The following CADPS2 variants were observed in gnomAD, a reference collection of about 807,000 sequenced individuals.
CADPS2 encodes the protein calcium-dependent secretion activator 2.
Under a neutral mutation model 172.5 loss-of-function variants are expected in CADPS2, and 93 were observed. The ratio of observed to expected loss-of-function variants is 0.54; its 90% CI spans 0.46 to 0.64. The LOEUF (loss-of-function observed/expected upper bound fraction) is 0.64. CADPS2 is among the 30% of genes least tolerant of loss of function. The pLI is 0.00. For synonymous variants in CADPS2, 546 were observed against 555.2 expected, an observed-to-expected ratio of 0.98 and a Z score of 0.23; for missense variants, 1,420 against 1,565.9, an observed-to-expected ratio of 0.91 and a Z score of 1.57.
chr7:122,639,117 A>C (rs542831219), intron 3 of CADPS2, among the ~76,000 whole-genome samples: 1 of 152,348 alleles, frequency 6.6e-6, no homozygotes, highest in South Asian at 2.1e-4. Context: ...AAAAAGGAAA[A>C]AGCTAATGAA....
At chr7:122,451,500 A>G in intron 14 of CADPS2, 25 bp from the exon 15 acceptor site, 1 of 1,294,168 alleles carries the variant, frequency 7.7e-7, no homozygotes, top group Non-Finnish European at 1.1e-6. Context: ...AGAATCAATA[A>G]TTCATATTGA....
At chr7:122,400,549 C>A (rs2045824261) in intron 20 of CADPS2, among the ~76,000 whole-genome samples, 1 of 152,124 alleles carries the variant, frequency 6.6e-6, no homozygotes, top group Non-Finnish European at 1.5e-5. Context: ...TGACTCCTTG[C>A]TTTTATATTT....
chr7:122,343,369 T>C (rs1336847682), intron 28 of CADPS2, among the ~76,000 whole-genome samples: 2 of 152,288 alleles, frequency 1.3e-5, no homozygotes, highest in Middle Eastern at 3.4e-3. Flanking sequence ...GCTTAGGCAT[T>C]GAATGAAAGT....
intron 2 of CADPS2, among the ~76,000 whole-genome samples, chr7:122,735,628 G>A (rs1469041888): frequency 2.6e-5 from 4 of 152,082 alleles, no homozygotes. Context: ...TACAATGATA[G>A]TACAAAGAAC....
chr7:122,532,973 T>C (rs2061910327), intron 8 of CADPS2, among the ~76,000 whole-genome samples: 2 of 152,058 alleles, frequency 1.3e-5, no homozygotes, highest in South Asian at 2.1e-4. Flanking sequence ...CCCAACCTAG[T>C]GCTTTGCCCA....
At chr7:122,581,424 C>T in intron 6 of CADPS2, 134 bp from the exon 7 acceptor site, 1 of 642,824 alleles carries the variant, frequency 1.6e-6, no homozygotes, top group Non-Finnish European at 2.7e-6. Flanking sequence ...GCTTTTGTTT[C>T]TAGCAGATGG....
intron 17 of CADPS2, among the ~76,000 whole-genome samples, chr7:122,420,520 A>AAGTTTAATG (rs2048421567): frequency 6.6e-6 from 1 of 152,246 alleles, no homozygotes; most frequent in Admixed American, 6.5e-5. Context: ...TAAGGCCAAG[A>AAGTTTAATG]AGTTTAATGC....
intron 27 of CADPS2, among the ~76,000 whole-genome samples, chr7:122,355,709 CT>C (rs1304278901): frequency 1.3e-5 from 2 of 151,972 alleles, no homozygotes; most frequent in African/African-American, 4.8e-5. Context: ...GCTCTGTTGT[CT>C]CATAGAGAGA....
chr7:122,695,411 T>G (rs1415482756), intron 2 of CADPS2, among the ~76,000 whole-genome samples: 1 of 152,196 alleles, frequency 6.6e-6, no homozygotes, highest in African/African-American at 2.4e-5. Flanking sequence ...ACAGAATAAG[T>G]GAAAATCTAT....
chr7:122,465,175 C>T (rs947593441), intron 14 of CADPS2, among the ~76,000 whole-genome samples: 9 of 151,784 alleles, frequency 5.9e-5, no homozygotes, highest in South Asian at 2.1e-4. Context: ...AATTGTAGAT[C>T]GAGCAAAAAA....
Position 122,705,893 on chromosome 7 carries a change from AATATAAT to A in CADPS2, c.453+31055_453+31061del, listed in dbSNP as rs1349335762. Among the ~76,000 whole-genome samples, 8 of 5,656 alleles carry A rather than the reference AATATAAT, an allele frequency of 1.4e-3. 4 individuals carry two copies. The highest frequency in any genetic ancestry group is 3.2e-3 in the African/African-American group (8 of 2,520). 3.7% of individuals were successfully genotyped at this position (5,656 alleles called of 152,430 possible). On this transcript the variant is annotated intron_variant, in intron 2 of 29. Coordinates refer to ENST00000449022, the MANE Select transcript of CADPS2 (RefSeq NM_017954.11). ...ATATATAATATAATATAATAAATAT[AATATAAT>A]ATATAATATATTATATAATATAATA...
chr7:122,474,242 A>T (rs1431187495), intron 13 of CADPS2, 139 bp downstream of exon 13: 23 of 894,854 alleles, frequency 2.6e-5, no homozygotes, highest in Admixed American at 7.9e-5. Flanking sequence ...CACTCCCACT[A>T]CCCTTATTAA....
intron 14 of CADPS2, among the ~76,000 whole-genome samples, chr7:122,460,371 C>T (rs1229057832): frequency 6.6e-6 from 1 of 151,814 alleles, no homozygotes; most frequent in African/African-American, 2.4e-5. Context: ...TTTACAGCTG[C>T]ATCCAAGGGA....
chr7:122,795,634 T>C (rs1410874151), intron 1 of CADPS2, among the ~76,000 whole-genome samples: 1 of 152,142 alleles, frequency 6.6e-6, no homozygotes, highest in East Asian at 1.9e-4. Flanking sequence ...TCAATCTATG[T>C]AGAAAAAACT....
chr7:122,468,187 C>T (rs1473161313), intron 14 of CADPS2, among the ~76,000 whole-genome samples: 1 of 151,778 alleles, frequency 6.6e-6, no homozygotes, highest in Admixed American at 6.6e-5. Context: ...ATCTTTTCTC[C>T]TTTTGAATTT....
intron 14 of CADPS2, among the ~76,000 whole-genome samples, chr7:122,453,305 A>G (rs2053369899): frequency 6.6e-6 from 1 of 152,160 alleles, no homozygotes; most frequent in South Asian, 2.1e-4. Flanking sequence ...ATGAGCTAAT[A>G]CTAATATTTT....
intron 1 of CADPS2, among the ~76,000 whole-genome samples, chr7:122,856,604 A>T (rs1280695637): frequency 6.6e-6 from 1 of 152,186 alleles, no homozygotes; most frequent in Non-Finnish European, 1.5e-5. Flanking sequence ...AGCTTGCTTC[A>T]CAAGAGCCCT....
At chr7:122,414,722 T>C (rs1445731916) in intron 18 of CADPS2, among the ~76,000 whole-genome samples, 3 of 152,342 alleles carry the variant, frequency 2.0e-5, no homozygotes, top group South Asian at 4.1e-4. Context: ...CCAGATATCA[T>C]ATTTATAACC....
chr7:122,359,529 G>A (rs1424674239), intron 27 of CADPS2, among the ~76,000 whole-genome samples: 1 of 152,086 alleles, frequency 6.6e-6, no homozygotes, highest in Non-Finnish European at 1.5e-5. Context: ...TAATTTTGGT[G>A]TCACAGTCCA....
Sources: allele counts gnomAD v4.1 joint callset (sites outside exome capture counted in the v4.1 genomes callset), GRCh38; gene constraint gnomAD v4.1.1; transcripts MANE v1.5; gene names NCBI Gene and HGNC (gene_info 2026-07-23, HGNC 2026-07-21).